DNAH9: variants seen among roughly 807,000 people sequenced by gnomAD.
DNAH9 encodes the protein dynein axonemal heavy chain 9, also known as DNAH9 variant protein.
In DNAH9, 345 loss-of-function variants were observed where a neutral mutation model predicts 471.6. The ratio of observed to expected loss-of-function variants is 0.73; its 90% CI spans 0.67 to 0.80. DNAH9 has a LOEUF of 0.80. DNAH9 is among the 30% of genes least tolerant of loss of function. DNAH9 has a pLI of 0.00. For synonymous variants in DNAH9, 2,093 were observed against 2,123.6 expected (o/e 0.99, Z 0.40); for missense variants, 5,407 against 5,609.2 (o/e 0.96, Z 1.15).
chr17:11,898,218 G>A lies in DNAH9; in HGVS notation c.11406+3722G>A, dbSNP rs564433706. 1.1e-4 allele frequency among the ~76,000 whole-genome samples: 16 copies of A among 151,788 alleles called. No individual in the cohort carries two copies. In the South Asian group the frequency reaches 1.3e-3, roughly 12 times the overall value. On this transcript the variant is annotated intron_variant, in intron 59 of 68. Coordinates refer to ENST00000262442, the MANE Select transcript of DNAH9 (RefSeq NM_001372.4). ...CGGCTCACTGCAACCTCTGCCTCCC[G>A]GGTTCAAGCGATTCTCCTGACTCAG...
intron 50 of DNAH9, among the ~76,000 whole-genome samples, chr17:11,866,525 G>A (rs1192895600): frequency 6.6e-6 from 1 of 152,154 alleles, no homozygotes; most frequent in African/African-American, 2.4e-5. Flanking sequence ...GCTGCATGCT[G>A]GGAGAACCAC....
chr17:11,960,961 G>A (rs567010813), intron 67 of DNAH9, among the ~76,000 whole-genome samples: 100 of 152,142 alleles, frequency 6.6e-4, no homozygotes, highest in African/African-American at 2.3e-3. Flanking sequence ...AATAGAAATG[G>A]GGTCTTCAAG....
rs2073544071 is a variant in DNAH9 at position 11,652,862 on chromosome 17, A to G, written c.2455A>G (p.Lys819Glu). ...TGTGGAAGAGATCCAAAACATCATG[A>G]AAACATGGGTGACTCCAATATTTAA... The part of the protein sequence containing the change: ...DNVEEIQNIM[K>E]TWVTPIFKTK... Residue 819 changes from lysine to glutamate, a missense_variant, in exon 14 of 69, where the codon AAA (lysine) becomes GAA (glutamate). Physicochemically the swap from Lys to Glu is moderately conservative, Grantham distance 56. Around this residue, in one of 3 missense-constraint regions of DNAH9, gnomAD observed 4,636 missense variants for 4,900.3 expected, o/e 0.95. Coordinates refer to ENST00000262442, the MANE Select transcript of DNAH9 (RefSeq NM_001372.4). 6.2e-7 allele frequency: 1 copy of G among 1,614,058 alleles called. No homozygotes were observed. The highest frequency in any genetic ancestry group is 1.3e-5 in the African/African-American group (1 of 74,938).
intron 52 of DNAH9, 129 bp downstream of exon 52, chr17:11,871,915 T>C: frequency 2.0e-6 from 2 of 995,966 alleles, no homozygotes; most frequent in Non-Finnish European, 3.0e-6. Flanking sequence ...GAGCACCAGG[T>C]GTGAAACCTG....
intron 56 of DNAH9, 66 bp downstream of exon 56, chr17:11,883,816 T>C: frequency 2.6e-6 from 4 of 1,515,762 alleles, no homozygotes; most frequent in Non-Finnish European, 3.6e-6. Flanking sequence ...TTTTCTCTCC[T>C]CTTAGACAAT....
At chr17:11,666,186 A>T (rs1167217245) in intron 15 of DNAH9, among the ~76,000 whole-genome samples, 1 of 152,216 alleles carries the variant, frequency 6.6e-6, no homozygotes, top group Non-Finnish European at 1.5e-5. Context: ...GGTGGTGTCC[A>T]CCTTAGTGAA....
At chr17:11,808,596 G>A (rs983600506) in intron 44 of DNAH9, among the ~76,000 whole-genome samples, 1 of 152,130 alleles carries the variant, frequency 6.6e-6, no homozygotes, top group Non-Finnish European at 1.5e-5. Flanking sequence ...CCACAGCCCA[G>A]CCTCTCGACG....
intron 27 of DNAH9, among the ~76,000 whole-genome samples, chr17:11,725,263 ACCT>A (rs2075132069): frequency 6.6e-6 from 1 of 152,006 alleles, no homozygotes; most frequent in Non-Finnish European, 1.5e-5. Context: ...AACTTCCATC[ACCT>A]CCTCAGACAG....
At chr17:11,637,196 C>A (rs933169069) in intron 9 of DNAH9, among the ~76,000 whole-genome samples, 4 of 152,130 alleles carry the variant, frequency 2.6e-5, no homozygotes, top group Admixed American at 2.0e-4. Context: ...TGGGAGGAAC[C>A]AGCAGGAGCC....
At chr17:11,628,074 CCA>C (rs541510703) in intron 6 of DNAH9, among the ~76,000 whole-genome samples, 83 of 152,300 alleles carry the variant, frequency 5.4e-4, no homozygotes, top group South Asian at 4.8e-3. Flanking sequence ...CTCCCACAGT[CCA>C]CACCAAATGT....
chr17:11,815,277 C>T (rs1970057123), intron 45 of DNAH9, among the ~76,000 whole-genome samples: 1 of 151,652 alleles, frequency 6.6e-6, no homozygotes, highest in Admixed American at 6.6e-5. Flanking sequence ...CCCTATATTG[C>T]TAACCTCTCC....
chr17:11,943,807 T>C lies in DNAH9; in HGVS notation c.12843+1322T>C, dbSNP rs1240171784. Among the ~76,000 whole-genome samples the C allele has an allele frequency of 2.6e-5, 4 of 152,240 alleles. No individual in the cohort carries two copies. The East Asian group carries it at 7.7e-4, about 29-fold the overall frequency. Reference sequence around the variant, plus strand: ...AGGAAGGAGAGACAGGAGGGGAATGTTGAAGATGGACAATGTTTGGTAACG... The same window carrying C: ...AGGAAGGAGAGACAGGAGGGGAATGCTGAAGATGGACAATGTTTGGTAACG... On this transcript the variant is annotated intron_variant, in intron 67 of 68. Coordinates refer to ENST00000262442, the MANE Select transcript of DNAH9 (RefSeq NM_001372.4).
Position 11,796,639 on chromosome 17 carries a change from G to T in DNAH9, c.8224-958G>T, listed in dbSNP as rs1969251799. Among the ~76,000 whole-genome samples, 5 of 151,782 alleles carry T rather than the reference G, an allele frequency of 3.3e-5. No individual in the cohort carries two copies. The South Asian group carries it at 1.1e-3, about 32-fold the overall frequency. On this transcript the variant is annotated intron_variant, in intron 42 of 68. Transcript: ENST00000262442. ...CACTGGTTACCTCTTTCCCAGGTAG[G>T]TCTTCCAGTCTGAACTTTAGGAGGA...
chr17:11,810,166 C>A, intron 44 of DNAH9, 80 bp from the exon 45 acceptor site: 1 of 1,488,196 alleles, frequency 6.7e-7, no homozygotes, highest in East Asian at 2.4e-5. Context: ...GAAAACGGTT[C>A]CATTTCTAAA....
intron 22 of DNAH9, 100 bp from the exon 23 acceptor site, chr17:11,699,629 CTG>C (rs2074555755): frequency 9.8e-7 from 1 of 1,022,166 alleles, no homozygotes. Context: ...ATCCACCACT[CTG>C]TCTTTCACAA....
intron 38 of DNAH9, among the ~76,000 whole-genome samples, chr17:11,775,127 G>A (rs766990381): frequency 2.0e-5 from 3 of 152,066 alleles, no homozygotes; most frequent in Admixed American, 6.6e-5. Context: ...CACAAAATGT[G>A]CACTCTCTTT....
intron 45 of DNAH9, among the ~76,000 whole-genome samples, chr17:11,814,583 G>A (rs1970029460): frequency 6.6e-6 from 1 of 152,186 alleles, no homozygotes; most frequent in African/African-American, 2.4e-5. Context: ...ACTAGGTACT[G>A]TGCTCAAAGA....
chr17:11,706,567 G>T (rs2074705156), intron 26 of DNAH9, among the ~76,000 whole-genome samples: 1 of 152,160 alleles, frequency 6.6e-6, no homozygotes, highest in African/African-American at 2.4e-5. Context: ...TTTGAGCACA[G>T]AGGGCCCCAC....
At chr17:11,730,124 C>CT (rs925025727) in intron 28 of DNAH9, among the ~76,000 whole-genome samples, 1 of 152,108 alleles carries the variant, frequency 6.6e-6, no homozygotes, top group Admixed American at 6.6e-5. Context: ...TGGTTTTTCC[C>CT]TTTTTTTGGG....
Sources: allele counts gnomAD v4.1 joint callset (sites outside exome capture counted in the v4.1 genomes callset), GRCh38; gene constraint gnomAD v4.1.1; regional missense constraint gnomAD v4.1.1; transcripts MANE v1.5; gene names NCBI Gene and HGNC (gene_info 2026-07-23, HGNC 2026-07-21).